Variants in PPP2R3A observed in about 807,000 individuals in gnomAD.
The protein encoded by PPP2R3A is serine/threonine-protein phosphatase 2A regulatory subunit B'' subunit alpha.
Under a neutral mutation model 106.9 loss-of-function variants are expected in PPP2R3A, and 80 were observed. The observed-to-expected ratio is 0.75, with a 90% confidence interval of 0.62 to 0.90. PPP2R3A has a LOEUF of 0.90. PPP2R3A is among the 40% of genes least tolerant of loss of function. The pLI is 0.00. For missense variants in PPP2R3A, 1,386 were observed against 1,350.4 expected, an observed-to-expected ratio of 1.03 and a Z score of -0.41; for synonymous variants, 483 against 468.3, an observed-to-expected ratio of 1.03 and a Z score of -0.41.
intron 8 of PPP2R3A, among the ~76,000 whole-genome samples, chr3:136,087,239 A>T (rs1458832176): frequency 1.1e-5 from 1 of 94,940 alleles, no homozygotes; most frequent in African/African-American, 3.4e-5. Context: ...ACAGGTCTCT[A>T]GTCGTGTCTC....
chr3:136,087,186 A>G (rs781443968), intron 8 of PPP2R3A, among the ~76,000 whole-genome samples: 1 of 151,544 alleles, frequency 6.6e-6, no homozygotes, highest in Non-Finnish European at 1.5e-5. Context: ...CCTGGGCAAC[A>G]GGAGCAAAAC....
intron 1 of PPP2R3A, among the ~76,000 whole-genome samples, chr3:135,979,303 C>G (rs1360324261): frequency 1.3e-5 from 2 of 151,196 alleles, no homozygotes; most frequent in Non-Finnish European, 2.9e-5. Context: ...CACTTGAACT[C>G]AGGAGGCGGA....
At chr3:136,042,155 A>G (rs1354970800) in intron 4 of PPP2R3A, among the ~76,000 whole-genome samples, 2 of 152,226 alleles carry the variant, frequency 1.3e-5, no homozygotes, top group Non-Finnish European at 2.9e-5. Context: ...GCTTGAGAAT[A>G]TAGTAGGTGA....
At chr3:136,098,295 A>G (rs996041785) in intron 10 of PPP2R3A, among the ~76,000 whole-genome samples, 1 of 152,216 alleles carries the variant, frequency 6.6e-6, no homozygotes, top group Non-Finnish European at 1.5e-5. Context: ...CAGCCTGGGT[A>G]ACAGAATGAG....
chr3:136,047,133 A>G (rs1256524694), intron 4 of PPP2R3A, among the ~76,000 whole-genome samples: 1 of 152,236 alleles, frequency 6.6e-6, no homozygotes, highest in Non-Finnish European at 1.5e-5. Flanking sequence ...CTGAGAGAGA[A>G]GGAGCGAGAG....
chr3:135,999,710 CT>C (rs1482915452), intron 1 of PPP2R3A, among the ~76,000 whole-genome samples: 2 of 152,100 alleles, frequency 1.3e-5, no homozygotes, highest in African/African-American at 4.8e-5. Flanking sequence ...GCCCCATCCC[CT>C]TTTTCTTTCT....
intron 13 of PPP2R3A, among the ~76,000 whole-genome samples, chr3:136,113,943 G>A (rs1344165149): frequency 6.6e-6 from 1 of 152,130 alleles, no homozygotes; most frequent in Non-Finnish European, 1.5e-5. Context: ...AGACAAGTGG[G>A]GCCTAATTAA....
chr3:136,008,888 A>G (rs1298363396), intron 2 of PPP2R3A, among the ~76,000 whole-genome samples: 4 of 152,130 alleles, frequency 2.6e-5, no homozygotes, highest in Non-Finnish European at 5.9e-5. Context: ...ACTTAAGGTC[A>G]TCAGGACTAA....
intron 1 of PPP2R3A, among the ~76,000 whole-genome samples, chr3:135,997,026 A>G (rs57681844): frequency 0.017 from 2,521 of 152,284 alleles, 24 homozygotes; most frequent in African/African-American, 0.029. Flanking sequence ...GGCTTTGGCT[A>G]CTAGTTCCTG....
At chr3:135,977,761 G>A (rs1359245113) in intron 1 of PPP2R3A, among the ~76,000 whole-genome samples, 2 of 127,534 alleles carry the variant, frequency 1.6e-5, no homozygotes, top group African/African-American at 3.1e-5. Context: ...GTACAGTGGT[G>A]CAATCTCAGC....
chr3:136,094,222 T>C (rs1023613137), intron 10 of PPP2R3A, among the ~76,000 whole-genome samples: 3 of 152,066 alleles, frequency 2.0e-5, no homozygotes, highest in Non-Finnish European at 4.4e-5. Flanking sequence ...GAGCCTGTGG[T>C]GAAATGAGGA....
chr3:136,070,534 C>G lies in PPP2R3A; in HGVS notation c.2526C>G (p.His842Gln), dbSNP rs778950181. Residue 842 changes from histidine (H) to glutamine (Q), a missense_variant, in exon 6 of 14, where the codon CAC becomes CAG. By Grantham distance (24) the His-to-Gln change is conservative. Transcript: ENST00000264977. ...LTFLKDAPEF[H>Q]SRYITTVIQR... is the part of the protein sequence containing the mutation. ...TCCTGAAAGATGCTCCAGAATTCCA[C>G]TCCCGCTACATCACCACGGTAGGCT... The G allele has an allele frequency of 1.2e-6, 2 of 1,611,126 alleles. No individual in the cohort carries two copies. The highest frequency in any genetic ancestry group is 1.7e-6 in the Non-Finnish European group (2 of 1,178,900).
In PPP2R3A at chr3:136,090,448, T is replaced by G. The variant is rs868072401; in HGVS notation, c.2838-130T>G. 1.5e-4 allele frequency: 101 copies of G among 659,532 alleles called. 1 individual carries two copies. In the Middle Eastern group the frequency reaches 1.7e-3, roughly 11 times the overall value. The allele number at this position is 659,532 out of a possible 1,614,324, so 40.9% of individuals were successfully genotyped here. On this transcript the variant is annotated intron_variant, in intron 9 of 13. Transcript: ENST00000264977. ...AAGATAGGCTGTGGAAGGGTTGCCC[T>G]TTATGAGGCATTTAGCATTATAATT...
chr3:136,043,752 A>G (rs1935376029), intron 4 of PPP2R3A, among the ~76,000 whole-genome samples: 1 of 152,210 alleles, frequency 6.6e-6, no homozygotes, highest in Admixed American at 6.5e-5. Context: ...ACTTTCTTTT[A>G]CCTTTTCATA....
intron 13 of PPP2R3A, among the ~76,000 whole-genome samples, chr3:136,131,429 T>C (rs1559937501): frequency 6.6e-6 from 1 of 152,170 alleles, no homozygotes; most frequent in Admixed American, 6.5e-5. Context: ...TCATCACTGG[T>C]CATCAGAGAA....
chr3:136,048,657 A>C (rs1426736474), intron 4 of PPP2R3A, among the ~76,000 whole-genome samples: 1 of 151,194 alleles, frequency 6.6e-6, no homozygotes, highest in Non-Finnish European at 1.5e-5. Context: ...GGGTGAAAAG[A>C]GCAAAACTCC....
chr3:136,023,711 G>T (rs1454334037), intron 2 of PPP2R3A, among the ~76,000 whole-genome samples: 3 of 151,488 alleles, frequency 2.0e-5, no homozygotes, highest in South Asian at 2.1e-4. Context: ...AGACAATTGT[G>T]TATGTGTGTG....
In PPP2R3A at chr3:136,056,550, A is replaced by G. The variant is rs149413807; in HGVS notation, c.2469+7189A>G. 5.8e-3 allele frequency among the ~76,000 whole-genome samples: 877 copies of G among 152,282 alleles called. 4 individuals carry two copies. Among genetic ancestry groups the G allele is most frequent in the Admixed American group, 0.014 (210 of 15,288 alleles). On this transcript the variant is annotated intron_variant, in intron 5 of 13. Transcript: ENST00000264977. ...AGGTTATATACAATAAGAACCGTAA[A>G]ACAAAACCTTTATCTTACACCGTAT...
chr3:136,050,778 A>T (rs1446781525), intron 5 of PPP2R3A, among the ~76,000 whole-genome samples: 1 of 151,868 alleles, frequency 6.6e-6, no homozygotes. Flanking sequence ...ATGCTTTCCT[A>T]TCTCTGCCTT....
Sources: gnomAD v4.1 joint callset for allele counts (sites outside exome capture counted in the v4.1 genomes callset) on GRCh38, gnomAD v4.1.1 for gene constraint, MANE v1.5 for transcripts, NCBI Gene and HGNC (gene_info 2026-07-23, HGNC 2026-07-21) for gene names.